The following PNKD variants were observed in gnomAD, a reference collection of about 807,000 sequenced individuals.
PNKD encodes the protein PNKD metallo-beta-lactamase domain containing, also known as probable thioesterase PNKD.
PNKD carries 36 observed loss-of-function variants against 45.3 expected under a neutral mutation model. The ratio of observed to expected loss-of-function variants is 0.80; its 90% CI spans 0.61 to 1.05. PNKD has a LOEUF of 1.05. PNKD is among the 50% of genes least tolerant of loss of function. The pLI, the probability that PNKD is intolerant of heterozygous loss-of-function variation, is 0.00. For missense variants in PNKD, 511 were observed against 506.6 expected, an observed-to-expected ratio of 1.01 and a Z score of -0.08; for synonymous variants, 197 against 210.1, an observed-to-expected ratio of 0.94 and a Z score of 0.54.
intron 2 of PNKD, chr2:218,272,828 G>A (rs369843065): frequency 1.4e-5 from 22 of 1,611,918 alleles, no homozygotes; most frequent in East Asian, 8.9e-5. Context: ...ATTCCAGTTC[G>A]TGCCTCTGAG....
chr2:218,325,232 T>C (rs1694118112), intron 2 of PNKD, among the ~76,000 whole-genome samples: 1 of 94,592 alleles, frequency 1.1e-5, no homozygotes, highest in Non-Finnish European at 2.0e-5. Flanking sequence ...TGAGACGGGC[T>C]CTTGCTCTGT....
chr2:218,282,922 G>T (rs142238766), intron 2 of PNKD, among the ~76,000 whole-genome samples: 1 of 152,176 alleles, frequency 6.6e-6, no homozygotes, highest in Non-Finnish European at 1.5e-5. Flanking sequence ...AAAGGCATGC[G>T]GCAGCCTGCG....
At chr2:218,334,717 G>A (rs1418784654) in intron 2 of PNKD, 2 of 702,774 alleles carry the variant, frequency 2.8e-6, no homozygotes, top group Admixed American at 4.0e-5. Context: ...CCTCCTCAGT[G>A]CATCATACCA....
At position 218,344,484 on chromosome 2, in the gene PNKD, T is replaced by C. The variant is rs757776894; in HGVS notation, c.898T>C (p.Phe300Leu). Residue 300 changes from phenylalanine (F) to leucine (L), a missense_variant, in exon 9 of 10, where the codon TTT (phenylalanine) becomes CTT (leucine). Transcript: ENST00000273077. ...GHEYAEENLGFAGVVEPENLA... is the reference protein window; with the variant it reads ...GHEYAEENLGLAGVVEPENLA... ...TGAGTATGCAGAGGAGAACCTGGGC[T>C]TTGCAGGTGTGGTGGAGCCCGAGAA... 1.9e-6 allele frequency: 3 copies of C among 1,587,958 alleles called. No individual in the cohort carries two copies. Among genetic ancestry groups the C allele is most frequent in the East Asian group, 4.6e-5 (2 of 43,842 alleles).
At chr2:218,313,096 T>C (rs1049314976) in intron 2 of PNKD, among the ~76,000 whole-genome samples, 1 of 145,624 alleles carries the variant, frequency 6.9e-6, no homozygotes, top group Non-Finnish European at 1.5e-5. Context: ...ACCAGGAAAT[T>C]AATCTTTATA....
chr2:218,316,457 G>C (rs1025510314), intron 2 of PNKD, among the ~76,000 whole-genome samples: 1 of 151,950 alleles, frequency 6.6e-6, no homozygotes, highest in African/African-American at 2.4e-5. Flanking sequence ...TTTTAGTAGA[G>C]ACAGGGTTTC....
intron 9 of PNKD, 98 bp downstream of exon 9, chr2:218,344,668 A>G: frequency 1.4e-6 from 2 of 1,398,054 alleles, no homozygotes; most frequent in Non-Finnish European, 2.0e-6. Context: ...CACCTCCCCA[A>G]AACTCTGACC....
chr2:218,333,840 C>T (rs760995857), intron 2 of PNKD, among the ~76,000 whole-genome samples: 6 of 151,468 alleles, frequency 4.0e-5, no homozygotes, highest in Non-Finnish European at 5.9e-5. Flanking sequence ...TTGGGCCAGG[C>T]GCCGTGGCTC....
In PNKD at chr2:218,289,625, G is replaced by GAAAAAA. The variant is rs10675061; in HGVS notation, c.236+18092_236+18097dup. Among the ~76,000 whole-genome samples the GAAAAAA allele has an allele frequency of 2.4e-4, 21 of 87,644 alleles. 1 individual carries two copies. Among genetic ancestry groups the GAAAAAA allele is most frequent in the Admixed American group, 7.3e-4 (5 of 6,810 alleles). 57.5% of individuals were successfully genotyped at this position (87,644 alleles called of 152,430 possible). Reference sequence around the variant, plus strand: ...CCACTGCACTCCAGCCTGGGCGACAGAAAAAAAAAAAAAAAAAAAAACTGA... The same window carrying GAAAAAA: ...CCACTGCACTCCAGCCTGGGCGACAGAAAAAAAAAAAAAAAAAAAAAAAAAAACTGA... On this transcript the variant is annotated intron_variant, in intron 2 of 9. Coordinates refer to ENST00000273077, the MANE Select transcript of PNKD (RefSeq NM_015488.5).
intron 2 of PNKD, among the ~76,000 whole-genome samples, chr2:218,331,730 AG>A (rs1694327381): frequency 6.6e-6 from 1 of 152,134 alleles, no homozygotes; most frequent in South Asian, 2.1e-4. Context: ...GGCCTCCCAA[AG>A]CACTGGGATT....
At chr2:218,342,665 A>G (rs1312619388) in intron 7 of PNKD, among the ~76,000 whole-genome samples, 1 of 152,076 alleles carries the variant, frequency 6.6e-6, no homozygotes, top group Non-Finnish European at 1.5e-5. Context: ...GCGCCACTGC[A>G]CTCCAACCTG....
At chr2:218,319,371 C>CTT (rs35553031) in intron 2 of PNKD, among the ~76,000 whole-genome samples, 3,768 of 80,084 alleles carry the variant, frequency 0.047, 254 homozygotes, top group Non-Finnish European at 0.063. Context: ...TCTTGTTTGT[C>CTT]TTTTTTTTTT....
intron 2 of PNKD, among the ~76,000 whole-genome samples, chr2:218,339,518 G>A (rs754268274): frequency 4.6e-5 from 7 of 152,148 alleles, no homozygotes; most frequent in Admixed American, 6.5e-5. Flanking sequence ...GAGCCACTGC[G>A]CCTGGCCTCT....
chr2:218,278,420 T>C lies in PNKD; in HGVS notation c.236+6871T>C. 3 of 1,273,486 alleles carry C rather than the reference T, an allele frequency of 2.4e-6. No homozygotes were observed. In the South Asian group the frequency reaches 3.6e-5, roughly 15 times the overall value. 78.9% of individuals were successfully genotyped at this position (1,273,486 alleles called of 1,614,324 possible). A position where few individuals can be genotyped will look rare whatever the true frequency, so the allele number is the denominator to read the frequency against. ...CCTCCTCATTTCTTGTAAGTTTCCATTCAGCTGCTATAAAGGAATCCTTCT... is the reference window on the plus strand; with the variant it reads ...CCTCCTCATTTCTTGTAAGTTTCCACTCAGCTGCTATAAAGGAATCCTTCT... On this transcript the variant is annotated intron_variant, in intron 2 of 9. Coordinates refer to ENST00000273077, the MANE Select transcript of PNKD (RefSeq NM_015488.5).
At chr2:218,314,222 C>CTGTTTTTTTTTT (rs1693702180) in intron 2 of PNKD, among the ~76,000 whole-genome samples, 1 of 67,710 alleles carries the variant, frequency 1.5e-5, no homozygotes, top group African/African-American at 6.5e-5. Flanking sequence ...CGCGCCCTGG[C>CTGTTTTTTTTTT]TTTTTTTTTT....
intron 2 of PNKD, among the ~76,000 whole-genome samples, chr2:218,320,091 CA>C (rs1471889241): frequency 6.6e-6 from 1 of 152,198 alleles, no homozygotes; most frequent in African/African-American, 2.4e-5. Context: ...CCCTATTGAG[CA>C]GGGGCTTTGT....
intron 2 of PNKD, among the ~76,000 whole-genome samples, chr2:218,301,268 G>A (rs1435632446): frequency 6.6e-6 from 1 of 152,138 alleles, no homozygotes; most frequent in Non-Finnish European, 1.5e-5. Context: ...CAGATCTATA[G>A]CGCTGGTCAT....
intron 2 of PNKD, among the ~76,000 whole-genome samples, chr2:218,336,934 G>A (rs1694514040): frequency 6.6e-6 from 1 of 151,042 alleles, no homozygotes; most frequent in African/African-American, 2.4e-5. Context: ...CAAGTAGCTG[G>A]GATTACAGGC....
chr2:218,279,433 C>A, intron 2 of PNKD: 1 of 1,319,108 alleles, frequency 7.6e-7, no homozygotes, highest in Non-Finnish European at 1.0e-6. Flanking sequence ...CCAGTACTTT[C>A]CTCCCACTCA....
Sources: allele counts gnomAD v4.1 joint callset (sites outside exome capture counted in the v4.1 genomes callset), GRCh38; gene constraint gnomAD v4.1.1; transcripts MANE v1.5; gene names NCBI Gene and HGNC (gene_info 2026-07-23, HGNC 2026-07-21).